The following GRAP2 variants were observed in gnomAD, a reference collection of about 807,000 sequenced individuals.
GRAP2 encodes the protein GRB2 related adaptor protein 2.
In GRAP2, 31 loss-of-function variants were observed where a neutral mutation model predicts 43.5. That is an observed-to-expected ratio of 0.71 (90% CI 0.54 to 0.96). The LOEUF is 0.96. GRAP2 is among the 40% of genes least tolerant of loss of function. The probability of loss-of-function intolerance (pLI) is 0.00; values close to 1 mark genes in which losing one functional copy is unlikely to be tolerated. For synonymous variants in GRAP2, 156 were observed against 164.8 expected, an observed-to-expected ratio of 0.95 and a Z score of 0.41; for missense variants, 371 against 424.4, an observed-to-expected ratio of 0.87 and a Z score of 1.11.
intron 1 of GRAP2, among the ~76,000 whole-genome samples, chr22:39,907,995 T>A (rs1179889362): frequency 6.6e-6 from 1 of 152,168 alleles, no homozygotes; most frequent in African/African-American, 2.4e-5. Flanking sequence ...GCAGGAGCCC[T>A]CGATGGGCTT....
chr22:39,964,491 A>G (rs2067151542), intron 4 of GRAP2: 2 of 1,029,052 alleles, frequency 1.9e-6, no homozygotes, highest in African/African-American at 3.1e-5. Flanking sequence ...AGCAGAAGAA[A>G]CTCGAGGTGC....
chr22:39,932,834 C>T (rs183188474), intron 1 of GRAP2, among the ~76,000 whole-genome samples: 79 of 152,108 alleles, frequency 5.2e-4, no homozygotes, highest in Non-Finnish European at 8.2e-4. Context: ...TTCCCAAGAA[C>T]ATTATGAGGC....
At chr22:39,969,143 C>A (rs1348734800) in intron 6 of GRAP2, among the ~76,000 whole-genome samples, 1 of 152,218 alleles carries the variant, frequency 6.6e-6, no homozygotes, top group Non-Finnish European at 1.5e-5. Flanking sequence ...AGCTATATTT[C>A]CCTTGTGTCT....
chr22:39,947,223 T>A (rs186519106), intron 2 of GRAP2, 39 bp downstream of exon 2: 1 of 890,494 alleles, frequency 1.1e-6, no homozygotes, highest in Non-Finnish European at 1.9e-6. Flanking sequence ...GTAGGGAGTT[T>A]CAGTTACTCA....
chr22:39,959,550 ACTTTC>A (rs1381777370), intron 3 of GRAP2, among the ~76,000 whole-genome samples: 1 of 152,080 alleles, frequency 6.6e-6, no homozygotes, highest in Non-Finnish European at 1.5e-5. Flanking sequence ...CTGGGCTGTA[ACTTTC>A]CTTTAATACC....
chr22:39,964,745 G>A (rs934474572), intron 4 of GRAP2: 12 of 482,746 alleles, frequency 2.5e-5, no homozygotes, highest in Non-Finnish European at 4.0e-5. Flanking sequence ...TCTTCCAGTG[G>A]CTCATCATCT....
chr22:39,955,618 C>T (rs1421590875), intron 2 of GRAP2, among the ~76,000 whole-genome samples: 1 of 152,150 alleles, frequency 6.6e-6, no homozygotes, highest in African/African-American at 2.4e-5. Flanking sequence ...AACCTGGGGT[C>T]AGGAGAAGCT....
At chr22:39,936,438 G>T (rs1248831794) in intron 1 of GRAP2, among the ~76,000 whole-genome samples, 2 of 152,186 alleles carry the variant, frequency 1.3e-5, no homozygotes, top group African/African-American at 4.8e-5. Flanking sequence ...GAGGTTGGTG[G>T]TCTCTTTTTG....
intron 2 of GRAP2, among the ~76,000 whole-genome samples, chr22:39,953,177 C>T (rs567819135): frequency 1.3e-5 from 2 of 152,292 alleles, no homozygotes; most frequent in African/African-American, 4.8e-5. Context: ...TCTGAAACCC[C>T]AAGCCCCAAC....
chr22:39,918,354 C>G (rs1219522794), intron 1 of GRAP2, among the ~76,000 whole-genome samples: 1 of 152,142 alleles, frequency 6.6e-6, no homozygotes, highest in Non-Finnish European at 1.5e-5. Flanking sequence ...GTTATCATTT[C>G]GAGTTCATTG....
At chr22:39,926,774 G>A (rs1196952794) in intron 1 of GRAP2, 4 of 985,154 alleles carry the variant, frequency 4.1e-6, no homozygotes, top group Non-Finnish European at 4.8e-6. Context: ...GCCTGATAGA[G>A]AGACAGCAGG....
rs752379967 is a variant in GRAP2, at chr22:39,966,164, C to G, written c.459+6C>G. The G allele has an allele frequency of 5.0e-6, 8 of 1,611,334 alleles. No homozygotes were observed. The highest frequency in any genetic ancestry group is 6.8e-6 in the Non-Finnish European group (8 of 1,177,842). ...ACAGAACCCGAGAAGACCAGGTATG[C>G]TCCAGATCCAGTCGACCCCAATCTA... On this transcript the variant is annotated splice_donor_region_variant and intron_variant, in intron 5 of 7. Coordinates refer to ENST00000344138, the MANE Select transcript of GRAP2 (RefSeq NM_004810.4).
In GRAP2 at chr22:39,960,430, T is replaced by A. The variant is rs532809565; in HGVS notation, c.290+256T>A. ...TGCCTCCCCTTCTAGCCCAGGTGCTTCTGGAAGGGCAGGATTTTCCTCTAC... is the reference window on the plus strand; with the variant it reads ...TGCCTCCCCTTCTAGCCCAGGTGCTACTGGAAGGGCAGGATTTTCCTCTAC... On this transcript the variant is annotated intron_variant, in intron 4 of 7. Transcript: ENST00000344138. 1.1e-5 allele frequency: 5 copies of A among 442,166 alleles called. No individual in the cohort carries two copies. The East Asian group carries it at 1.8e-4, about 16-fold the overall frequency. The allele number at this position is 442,166 out of a possible 1,614,324, so 27.4% of individuals were successfully genotyped here.
chr22:39,897,827 G>A (rs766756308), upstream of GRAP2, among the ~76,000 whole-genome samples: 2 of 152,064 alleles, frequency 1.3e-5, no homozygotes, highest in South Asian at 2.1e-4. Flanking sequence ...GCCAACAGTA[G>A]GCTCCTAACT....
chr22:39,964,413 A>G, intron 4 of GRAP2: 1 of 826,704 alleles, frequency 1.2e-6, no homozygotes, highest in South Asian at 1.4e-5. Context: ...AGGCACTGAA[A>G]CAGCCCAAGA....
chr22:39,916,998 C>G (rs1424663276), intron 1 of GRAP2, among the ~76,000 whole-genome samples: 2 of 152,106 alleles, frequency 1.3e-5, no homozygotes, highest in Non-Finnish European at 2.9e-5. Flanking sequence ...AAGGTAACTT[C>G]AGTCATGTAG....
chr22:39,896,612 A>C (rs933348212), upstream of GRAP2, among the ~76,000 whole-genome samples: 2 of 152,162 alleles, frequency 1.3e-5, no homozygotes, highest in African/African-American at 4.8e-5. Context: ...ATAGAAGGTG[A>C]TTGAGGAGGC....
chr22:39,959,925 C>G, intron 3 of GRAP2, 130 bp from the exon 4 acceptor site: 1 of 769,226 alleles, frequency 1.3e-6, no homozygotes. Context: ...CAAACAGCAC[C>G]TGGTCTCTCT....
chr22:39,938,603 A>G (rs1278406108), intron 1 of GRAP2, among the ~76,000 whole-genome samples: 3 of 152,246 alleles, frequency 2.0e-5, no homozygotes, highest in Non-Finnish European at 4.4e-5. Flanking sequence ...CCACCCTCAC[A>G]GAAGGTGACT....
Sources: gnomAD v4.1 joint callset for allele counts (sites outside exome capture counted in the v4.1 genomes callset) on GRCh38, gnomAD v4.1.1 for gene constraint, MANE v1.5 for transcripts, NCBI Gene and HGNC (gene_info 2026-07-23, HGNC 2026-07-21) for gene names.